Variants in DNAH8 observed in about 807,000 individuals in gnomAD.
DNAH8 encodes the protein dynein axonemal heavy chain 8, also known as axonemal beta dynein heavy chain 8.
A neutral mutation model predicts 562.1 loss-of-function variants in DNAH8; 382 were observed. That is an observed-to-expected ratio of 0.68 (90% CI 0.63 to 0.74). The LOEUF is 0.74. DNAH8 is among the 30% of genes least tolerant of loss of function. The pLI is 0.00. For synonymous variants in DNAH8, 1,881 were observed against 1,919.4 expected, an observed-to-expected ratio of 0.98 and a Z score of 0.52; for missense variants, 5,203 against 5,620.4, an observed-to-expected ratio of 0.93 and a Z score of 2.37.
At chr6:38,906,920 A>G (rs1010506682) in intron 63 of DNAH8, among the ~76,000 whole-genome samples, 6 of 152,220 alleles carry the variant, frequency 3.9e-5, no homozygotes, top group African/African-American at 1.4e-4. Context: ...GAGCACGGAC[A>G]TGATGCTCAA....
At chr6:38,935,172 C>A (rs916247976) in intron 76 of DNAH8, among the ~76,000 whole-genome samples, 1 of 152,114 alleles carries the variant, frequency 6.6e-6, no homozygotes, top group Non-Finnish European at 1.5e-5. Context: ...ATCTGGGTAG[C>A]CCCTTGGTTT....
At chr6:38,977,100 C>G (rs1409558120) in intron 85 of DNAH8, among the ~76,000 whole-genome samples, 6 of 152,196 alleles carry the variant, frequency 3.9e-5, no homozygotes, top group Admixed American at 1.3e-4. Flanking sequence ...AAAATGAGCA[C>G]CTCTCCTTTT....
rs766837520 is a variant in DNAH8 at position 38,929,615 on chromosome 6, C to T, written c.11223C>T (p.Ala3741=). The change falls in exon 75 of 93, where the codon GCC becomes GCT. Residue 3741 remains alanine, a synonymous_variant. Coordinates refer to ENST00000327475, the MANE Select transcript of DNAH8 (RefSeq NM_001206927.2). ...IEDIHEELDP[A]LDNVLEKNFI... ...ACATTCATGAAGAGCTGGATCCAGC[C>T]TTGGATAATGTATTAGAAAAGAATT... The T allele has an allele frequency of 3.7e-6, 6 of 1,605,586 alleles. No individual in the cohort carries two copies. Among genetic ancestry groups the T allele is most frequent in the Non-Finnish European group, 4.2e-6 (5 of 1,177,608 alleles).
intron 53 of DNAH8, among the ~76,000 whole-genome samples, chr6:38,881,410 A>G (rs1379419144): frequency 6.6e-6 from 1 of 152,252 alleles, no homozygotes; most frequent in Non-Finnish European, 1.5e-5. Context: ...TAAACGTATC[A>G]ATGAAAGTAA....
At chr6:38,741,690 T>G in intron 7 of DNAH8, 21 bp from the exon 8 acceptor site, 1 of 1,562,184 alleles carries the variant, frequency 6.4e-7, no homozygotes, top group Non-Finnish European at 8.6e-7. Flanking sequence ...TTCTATATTT[T>G]ATAAATTTTT....
In DNAH8 at chr6:38,730,006, A is replaced by C. The variant is rs1235635665; in HGVS notation, c.610+20A>C. 3.3e-6 allele frequency: 4 copies of C among 1,205,148 alleles called. No individual in the cohort carries two copies. 74.7% of individuals were successfully genotyped at this position (1,205,148 alleles called of 1,614,324 possible). ...GTATTGGTAAGAATTTTCTGAGGGC[A>C]GTGTGCCAGTAATTAGTTCATGCAC... On this transcript the variant is annotated intron_variant, in intron 4 of 92. Coordinates refer to ENST00000327475, the MANE Select transcript of DNAH8 (RefSeq NM_001206927.2).
intron 79 of DNAH8, among the ~76,000 whole-genome samples, chr6:38,945,150 T>C (rs552229598): frequency 5.3e-5 from 8 of 152,132 alleles, no homozygotes; most frequent in Non-Finnish European, 8.8e-5. Flanking sequence ...AACATATTCA[T>C]TGATATCAAA....
chr6:38,886,754 T>A lies in DNAH8; in HGVS notation c.8260-37T>A, dbSNP rs45573631. ...TTGAAGTTATGGAGGAATATGATAG[T>A]GATATGTTACAAAAATATTGCTGTG... On this transcript the variant is annotated intron_variant, in intron 56 of 92. Coordinates refer to ENST00000327475, the MANE Select transcript of DNAH8 (RefSeq NM_001206927.2). 7.4e-3 allele frequency: 10,838 copies of A among 1,468,572 alleles called. 59 individuals carry two copies. The highest frequency in any genetic ancestry group is 8.4e-3 in the Non-Finnish European group (8,858 of 1,048,632). The allele number at this position is 1,468,572 out of a possible 1,614,324, so 91.0% of individuals were successfully genotyped here. A position where few individuals can be genotyped will look rare whatever the true frequency, so the allele number is the denominator to read the frequency against.
intron 32 of DNAH8, among the ~76,000 whole-genome samples, chr6:38,836,113 C>T (rs950195103): frequency 7.9e-5 from 12 of 152,090 alleles, no homozygotes; most frequent in African/African-American, 1.2e-4. Flanking sequence ...GGCATATTGA[C>T]GAAGGTAGAA....
intron 88 of DNAH8, 43 bp downstream of exon 88, chr6:38,990,215 C>T (rs762832544): frequency 1.5e-6 from 2 of 1,346,092 alleles, no homozygotes; most frequent in Non-Finnish European, 2.1e-6. Flanking sequence ...TCATTTGTAA[C>T]TCAGTCTGGC....
At chr6:38,982,279 G>T (rs1421426831) in intron 85 of DNAH8, 67 bp from the exon 86 acceptor site, 3 of 701,236 alleles carry the variant, frequency 4.3e-6, no homozygotes, top group African/African-American at 1.8e-5. Flanking sequence ...TAATTTTACT[G>T]TATTTTGATA....
At chr6:38,944,167 CT>C (rs1421973976) in intron 79 of DNAH8, among the ~76,000 whole-genome samples, 2 of 152,092 alleles carry the variant, frequency 1.3e-5, no homozygotes, top group Admixed American at 6.6e-5. Context: ...TCTCTAGTGG[CT>C]GCTTCTCGCA....
chr6:38,743,835 G>A (rs187260536), intron 8 of DNAH8, among the ~76,000 whole-genome samples: 2 of 152,210 alleles, frequency 1.3e-5, no homozygotes, highest in East Asian at 3.9e-4. Context: ...GAACATTCAT[G>A]TACTGTACAA....
At chr6:38,769,326 C>T (rs562662248) in intron 11 of DNAH8, among the ~76,000 whole-genome samples, 8 of 152,248 alleles carry the variant, frequency 5.3e-5, no homozygotes, top group African/African-American at 9.6e-5. Context: ...CCTGCCAACC[C>T]GTCATCTACA....
At chr6:38,794,254 G>A (rs1303375136) in intron 21 of DNAH8, among the ~76,000 whole-genome samples, 2 of 152,038 alleles carry the variant, frequency 1.3e-5, no homozygotes, top group Non-Finnish European at 2.9e-5. Context: ...AGCAAGGGTG[G>A]GGATGGGGTA....
chr6:38,811,755 A>G (rs1771815129), intron 24 of DNAH8, among the ~76,000 whole-genome samples: 1 of 152,152 alleles, frequency 6.6e-6, no homozygotes, highest in Admixed American at 6.5e-5. Context: ...TTTAATGTGC[A>G]GGCTCTCTTT....
intron 35 of DNAH8, among the ~76,000 whole-genome samples, chr6:38,844,912 C>T (rs1424883235): frequency 6.6e-6 from 1 of 152,192 alleles, no homozygotes; most frequent in Admixed American, 6.5e-5. Flanking sequence ...ATTCTTAGGA[C>T]ATTTATTACA....
chr6:39,001,092 A>AG (rs1765450674), intron 88 of DNAH8, among the ~76,000 whole-genome samples: 2 of 152,102 alleles, frequency 1.3e-5, no homozygotes, highest in South Asian at 2.1e-4. Flanking sequence ...AGCATGAGGG[A>AG]GGGGGGTGCT....
chr6:38,803,516 C>G (rs979209677), intron 22 of DNAH8, among the ~76,000 whole-genome samples: 1 of 151,944 alleles, frequency 6.6e-6, no homozygotes, highest in Non-Finnish European at 1.5e-5. Context: ...GAACCCCTCT[C>G]AAATCCAAGT....
Sources: gnomAD v4.1 joint callset for allele counts (sites outside exome capture counted in the v4.1 genomes callset) on GRCh38, gnomAD v4.1.1 for gene constraint, MANE v1.5 for transcripts, NCBI Gene and HGNC (gene_info 2026-07-23, HGNC 2026-07-21) for gene names.